TTC39B: variants seen among roughly 807,000 people sequenced by gnomAD.
The protein encoded by TTC39B is tetratricopeptide repeat protein 39B.
In TTC39B, 92 loss-of-function variants were observed where a neutral mutation model predicts 96.6. The observed-to-expected ratio is 0.95, with a 90% CI of 0.80 to 1.13. The LOEUF is 1.13. TTC39B is among the 50% of genes most tolerant of loss of function. The probability of loss-of-function intolerance (pLI) is 0.00; values close to 1 mark genes in which losing one functional copy is unlikely to be tolerated. For missense variants in TTC39B, 955 were observed against 809.3 expected (o/e 1.18, Z -2.18); for synonymous variants, 367 against 299.4 (o/e 1.23, Z -2.33).
intron 2 of TTC39B, among the ~76,000 whole-genome samples, chr9:15,228,386 C>A (rs1236228500): frequency 6.6e-6 from 1 of 152,148 alleles, no homozygotes; most frequent in East Asian, 1.9e-4. Flanking sequence ...ATTGCTTGAA[C>A]CCGGGAGGCG....
At chr9:15,170,789 G>C (rs1043320263) in exon 20 of TTC39B, 1 of 152,190 alleles carries the variant, frequency 6.6e-6, no homozygotes, top group Non-Finnish European at 1.5e-5. Flanking sequence ...ACACATACAT[G>C]TGGGGAGTTG....
At chr9:15,221,214 T>C (rs1453944434) in intron 3 of TTC39B, among the ~76,000 whole-genome samples, 1 of 152,192 alleles carries the variant, frequency 6.6e-6, no homozygotes, top group East Asian at 1.9e-4. Context: ...ATTACCACTG[T>C]GGTTTGTCAA....
intron 17 of TTC39B, among the ~76,000 whole-genome samples, chr9:15,179,448 G>T (rs1203441182): frequency 6.6e-6 from 1 of 152,170 alleles, no homozygotes; most frequent in Non-Finnish European, 1.5e-5. Flanking sequence ...TACTTCTTAG[G>T]TGCTGAAAAC....
intron 1 of TTC39B, among the ~76,000 whole-genome samples, chr9:15,294,858 G>C (rs1261020126): frequency 1.3e-5 from 2 of 152,186 alleles, no homozygotes; most frequent in African/African-American, 4.8e-5. Flanking sequence ...CCCACGATAA[G>C]CGCTGCATAG....
At chr9:15,176,287 C>T (rs1273451222) in intron 18 of TTC39B, among the ~76,000 whole-genome samples, 1 of 152,024 alleles carries the variant, frequency 6.6e-6, no homozygotes, top group African/African-American at 2.4e-5. Context: ...GATTCACATA[C>T]AAAAAAACAG....
intron 1 of TTC39B, among the ~76,000 whole-genome samples, chr9:15,276,921 C>T (rs1255811030): frequency 1.3e-5 from 2 of 152,222 alleles, no homozygotes; most frequent in African/African-American, 4.8e-5. Flanking sequence ...CCAGTAGACT[C>T]AGGAGATGGG....
intron 1 of TTC39B, among the ~76,000 whole-genome samples, chr9:15,303,222 TAATATAATGTTA>T (rs1284429554): frequency 6.6e-6 from 1 of 152,216 alleles, no homozygotes; most frequent in Non-Finnish European, 1.5e-5. Flanking sequence ...GAGTGACTTT[TAATATAATGTTA>T]AATATAATGC....
chr9:15,201,458 T>C (rs1026016410), intron 7 of TTC39B, among the ~76,000 whole-genome samples: 28 of 152,224 alleles, frequency 1.8e-4, no homozygotes, highest in East Asian at 1.4e-3. Flanking sequence ...AGTAGTGGCA[T>C]GGAAAGGGCC....
At chr9:15,235,092 A>G (rs1821716546) in intron 2 of TTC39B, among the ~76,000 whole-genome samples, 1 of 152,110 alleles carries the variant, frequency 6.6e-6, no homozygotes, top group South Asian at 2.1e-4. Context: ...TCTGGAAATG[A>G]AAAATTCACT....
chr9:15,264,652 C>G (rs1258227517), intron 2 of TTC39B, among the ~76,000 whole-genome samples: 2 of 84,198 alleles, frequency 2.4e-5, no homozygotes, highest in Non-Finnish European at 4.1e-5. Flanking sequence ...GAGACTCTGT[C>G]TTAAAAAAAA....
At chr9:15,270,558 G>C (rs1183581958) in intron 1 of TTC39B, among the ~76,000 whole-genome samples, 5 of 148,516 alleles carry the variant, frequency 3.4e-5, no homozygotes, top group Non-Finnish European at 7.4e-5. Flanking sequence ...GTGTAAAGAA[G>C]ATAAGACTAA....
intron 2 of TTC39B, among the ~76,000 whole-genome samples, chr9:15,242,945 A>T (rs1390135823): frequency 6.6e-6 from 1 of 152,242 alleles, no homozygotes; most frequent in African/African-American, 2.4e-5. Context: ...TGGCCGCTGG[A>T]TCTCAGGAAC....
At chr9:15,241,439 A>G (rs1822034922) in intron 2 of TTC39B, among the ~76,000 whole-genome samples, 1 of 152,204 alleles carries the variant, frequency 6.6e-6, no homozygotes, top group Non-Finnish European at 1.5e-5. Flanking sequence ...TAGGAATGCC[A>G]TATTCCAGGC....
chr9:15,218,635 A>T (rs555517012), intron 3 of TTC39B, among the ~76,000 whole-genome samples: 6,922 of 149,380 alleles, frequency 0.046, 387 homozygotes, highest in African/African-American at 0.13. Flanking sequence ...GTCTATTTTA[A>T]ATATATATAT....
At chr9:15,255,013 G>A (rs1426331313) in intron 2 of TTC39B, among the ~76,000 whole-genome samples, 1 of 151,938 alleles carries the variant, frequency 6.6e-6, no homozygotes, top group African/African-American at 2.4e-5. Context: ...CTTTGAAAAG[G>A]TTAATTCATC....
At chr9:15,262,926 A>G (rs1822994341) in intron 2 of TTC39B, among the ~76,000 whole-genome samples, 1 of 152,266 alleles carries the variant, frequency 6.6e-6, no homozygotes, top group Non-Finnish European at 1.5e-5. Flanking sequence ...CAGAATTCAC[A>G]AAGGGAATGT....
At chr9:15,307,028 C>A in intron 1 of TTC39B, 56 bp downstream of exon 1, 1 of 1,585,064 alleles carries the variant, frequency 6.3e-7, no homozygotes, top group Non-Finnish European at 8.6e-7. Context: ...CTCTTCTCTC[C>A]CGGACTCCTG....
At chr9:15,190,886 C>G (rs1481377699) in intron 10 of TTC39B, among the ~76,000 whole-genome samples, 1 of 151,768 alleles carries the variant, frequency 6.6e-6, no homozygotes, top group Non-Finnish European at 1.5e-5. Flanking sequence ...CATCTTTGGT[C>G]AACTATTAAG....
chr9:15,176,623 T>A (rs1052965887), intron 18 of TTC39B, among the ~76,000 whole-genome samples: 16 of 152,270 alleles, frequency 1.1e-4, no homozygotes, highest in African/African-American at 3.9e-4. Flanking sequence ...TATTTTAAAA[T>A]CAGGTGATTT....
Sources: gnomAD v4.1 joint callset for allele counts (sites outside exome capture counted in the v4.1 genomes callset) on GRCh38, gnomAD v4.1.1 for gene constraint, MANE v1.5 for transcripts, NCBI Gene and HGNC (gene_info 2026-07-23, HGNC 2026-07-21) for gene names.